Variants in CERS4 observed in about 807,000 individuals in gnomAD.
CERS4 encodes the protein ceramide synthase 4.
Under a neutral mutation model 51.8 loss-of-function variants are expected in CERS4, and 65 were observed. That is an observed-to-expected ratio of 1.26 (90% CI 1.03 to 1.54). CERS4 has a LOEUF of 1.54. CERS4 is among the 40% of genes most tolerant of loss of function. CERS4 has a pLI of 0.00. For missense variants in CERS4, 563 were observed against 500.4 expected, an observed-to-expected ratio of 1.13 and a Z score of -1.19; for synonymous variants, 228 against 208.4, an observed-to-expected ratio of 1.09 and a Z score of -0.81.
At chr19:8,256,848 G>A (rs1969413032) in intron 8 of CERS4, 101 bp from the exon 9 acceptor site, 5 of 1,595,866 alleles carry the variant, frequency 3.1e-6, no homozygotes, top group East Asian at 2.2e-5. Context: ...TGGGCCCAGA[G>A]GCCACACCAA....
chr19:8,235,107 C>G (rs1968188579), intron 2 of CERS4, among the ~76,000 whole-genome samples: 1 of 148,034 alleles, frequency 6.8e-6, no homozygotes, highest in Non-Finnish European at 1.5e-5. Context: ...CTCCTGGGTT[C>G]AAGCAATTCT....
At chr19:8,241,240 AC>A (rs1968526954) in intron 2 of CERS4, 1 of 151,938 alleles carries the variant, frequency 6.6e-6, no homozygotes. Context: ...ATAGGCCAGC[AC>A]CCCTTCTTTC....
intron 2 of CERS4, among the ~76,000 whole-genome samples, chr19:8,213,635 G>A (rs1483885986): frequency 6.6e-6 from 1 of 151,900 alleles, no homozygotes; most frequent in African/African-American, 2.4e-5. Context: ...TGCCATCCTT[G>A]AATAGGCCCC....
Position 8,227,978 on chromosome 19 carries a change from C to T in CERS4, c.-2+17116C>T, listed in dbSNP as rs181339537. 2.7e-3 allele frequency among the ~76,000 whole-genome samples: 408 copies of T among 152,278 alleles called. 1 individual carries two copies. The highest frequency in any genetic ancestry group is 9.6e-3 in the African/African-American group (399 of 41,564). On this transcript the variant is annotated intron_variant, in intron 2 of 11. Transcript: ENST00000251363. ...CTGGGTTCAAGCGATTCTCCTACCT[C>T]AGCCTCCCGAGTAGCTGGGATTACA...
chr19:8,235,169 T>C (rs893029579), intron 2 of CERS4, among the ~76,000 whole-genome samples: 17 of 147,354 alleles, frequency 1.2e-4, no homozygotes, highest in South Asian at 6.5e-4. Context: ...CCACCATGCC[T>C]GGCTAATTTT....
chr19:8,262,204 G>A lies in CERS4; in HGVS notation c.*95G>A. 7.6e-7 allele frequency: 1 copy of A among 1,318,632 alleles called. No homozygotes were observed. The highest frequency in any genetic ancestry group is 9.8e-7 in the Non-Finnish European group (1 of 1,020,660). The allele number at this position is 1,318,632 out of a possible 1,614,324, so 81.7% of individuals were successfully genotyped here. On this transcript the variant is annotated 3_prime_UTR_variant, in exon 12 of 12. Coordinates refer to ENST00000251363, the MANE Select transcript of CERS4 (RefSeq NM_024552.3). ...GGCGCCCCTGGGCCACCTTTCTGGAGACAGGGAGGGCCCCACCCGGGGTGG... is the reference window on the plus strand; with the variant it reads ...GGCGCCCCTGGGCCACCTTTCTGGAAACAGGGAGGGCCCCACCCGGGGTGG...
rs569213834 is a variant in CERS4, at chr19:8,231,574, A to G, written c.-1-19502A>G. Among the ~76,000 whole-genome samples, 350 of 151,714 alleles carry G rather than the reference A, an allele frequency of 2.3e-3. 2 individuals carry two copies. The highest frequency in any genetic ancestry group is 8.0e-3 in the African/African-American group (331 of 41,338). On this transcript the variant is annotated intron_variant, in intron 2 of 11. Transcript: ENST00000251363. Reference sequence around the variant, plus strand: ...CTTTTCTTTTTCTTTTTTGAGATGGAGTCTTGCTCTGTCGCCCAGGCTGGA... The same window carrying G: ...CTTTTCTTTTTCTTTTTTGAGATGGGGTCTTGCTCTGTCGCCCAGGCTGGA...
chr19:8,222,636 T>C (rs1277331855), intron 2 of CERS4, among the ~76,000 whole-genome samples: 1 of 151,976 alleles, frequency 6.6e-6, no homozygotes, highest in Non-Finnish European at 1.5e-5. Flanking sequence ...GTAGCTGGGA[T>C]TACAGGCATG....
chr19:8,247,560 C>T (rs968875071), intron 2 of CERS4, among the ~76,000 whole-genome samples: 3 of 152,084 alleles, frequency 2.0e-5, no homozygotes, highest in Admixed American at 2.0e-4. Context: ...GCTAGAACTA[C>T]AGATACGTGC....
chr19:8,248,603 A>G (rs996288498), intron 2 of CERS4, among the ~76,000 whole-genome samples: 3 of 147,452 alleles, frequency 2.0e-5, no homozygotes, highest in African/African-American at 5.1e-5. Context: ...GTGAATGGGT[A>G]GGTGGATGGA....
At chr19:8,237,317 G>A (rs923917229) in intron 2 of CERS4, among the ~76,000 whole-genome samples, 4 of 151,658 alleles carry the variant, frequency 2.6e-5, no homozygotes, top group East Asian at 2.0e-4. Context: ...TTTGGGAGGC[G>A]GAGGCGGGCA....
rs1969737198 is a variant in CERS4, at chr19:8,262,052, T to C, written c.1128T>C (p.Asp376=). The change falls in exon 12 of 12, where the codon GAT becomes GAC. Residue 376 remains aspartate, a synonymous_variant. Coordinates refer to ENST00000251363, the MANE Select transcript of CERS4 (RefSeq NM_024552.3). Reference sequence around the variant, plus strand: ...GAGGGCCCAGGCCAGCCCCCACTGATGGCCCTCGGAGCCGGGTGGCCGGGC... The same window carrying C: ...GAGGGCCCAGGCCAGCCCCCACTGACGGCCCTCGGAGCCGGGTGGCCGGGC... ...AAGGPRPAPT[D]GPRSRVAGRL... 3 of 1,543,590 alleles carry C rather than the reference T, an allele frequency of 1.9e-6. No homozygotes were observed. Among genetic ancestry groups the C allele is most frequent in the African/African-American group, 2.8e-5 (2 of 72,148 alleles).
Position 8,261,692 on chromosome 19 carries a change from C to T in CERS4, c.853C>T (p.Leu285Phe). 1 of 1,614,068 alleles carries T rather than the reference C, an allele frequency of 6.2e-7. No homozygotes were observed. ...CTCCTCTCCCCCTGGCTGTAGGATC[C>T]TCTACACCACATACTACGAGTCCAT... ...TRLVLFPTQI[L>F]YTTYYESISN... Residue 285 changes from leucine to phenylalanine, a missense_variant, in exon 11 of 12, where the codon CTC becomes TTC. Physicochemically the swap from Leu to Phe is conservative, Grantham distance 22 (BLOSUM62 0). Transcript: ENST00000251363.
chr19:8,254,747 C>A, intron 4 of CERS4, 131 bp downstream of exon 4: 2 of 743,584 alleles, frequency 2.7e-6, no homozygotes, highest in South Asian at 3.3e-5. Context: ...CCCCTACTTT[C>A]CACTCTTCAT....
chr19:8,256,975 C>T lies in CERS4; in HGVS notation c.639C>T (p.His213=). The T allele has an allele frequency of 6.2e-7, 1 of 1,614,188 alleles. No individual in the cohort carries two copies. The highest frequency in any genetic ancestry group is 2.2e-5 in the East Asian group (1 of 44,888). The change falls in exon 9 of 12, where the codon CAC becomes CAT. Residue 213 remains histidine, a synonymous_variant. Coordinates refer to ENST00000251363, the MANE Select transcript of CERS4 (RefSeq NM_024552.3). ...ATTTCAAGGAGCAGGTGATACACCA[C>T]TTCGTGGCGGTCATCCTGATGACCT... ...RKDFKEQVIH[H]FVAVILMTFS... is the part of the protein sequence containing the mutation.
intron 2 of CERS4, among the ~76,000 whole-genome samples, chr19:8,235,240 C>G (rs1968196535): frequency 6.6e-6 from 1 of 151,522 alleles, no homozygotes; most frequent in African/African-American, 2.4e-5. Flanking sequence ...ATCTCCTGAC[C>G]TCGTGATCTG....
chr19:8,240,585 A>AGTGT (rs5742074), intron 2 of CERS4: 52,178 of 142,002 alleles, frequency 0.37, 10,995 homozygotes, highest in Non-Finnish European at 0.48. Flanking sequence ...AATGTATGCA[A>AGTGT]GTGTGTGTGT....
chr19:8,246,281 G>C (rs1323095338), intron 2 of CERS4, among the ~76,000 whole-genome samples: 1 of 152,124 alleles, frequency 6.6e-6, no homozygotes, highest in Non-Finnish European at 1.5e-5. Context: ...GTGCGGGCCA[G>C]GCGCAGTGGC....
Position 8,262,137 on chromosome 19 carries a change from C to T in CERS4, c.*28C>T. 4 of 1,427,020 alleles carry T rather than the reference C, an allele frequency of 2.8e-6. No homozygotes were observed. Among genetic ancestry groups the T allele is most frequent in the Non-Finnish European group, 3.7e-6 (4 of 1,092,550 alleles). The allele number at this position is 1,427,020 out of a possible 1,614,324, so 88.4% of individuals were successfully genotyped here. ...GGGCGGGGCTGGCTGTAAGGGGTTG[C>T]CCCCCCGCCAGTGCCTTGGATATTT... On this transcript the variant is annotated 3_prime_UTR_variant, in exon 12 of 12. Transcript: ENST00000251363.
Sources: gnomAD v4.1 joint callset for allele counts (sites outside exome capture counted in the v4.1 genomes callset) on GRCh38, gnomAD v4.1.1 for gene constraint, MANE v1.5 for transcripts, NCBI Gene and HGNC (gene_info 2026-07-23, HGNC 2026-07-21) for gene names.